The following ZFYVE28 variants were observed in gnomAD, a reference collection of about 807,000 sequenced individuals.
ZFYVE28 encodes the protein lateral signaling target protein 2 homolog.
In ZFYVE28, 40 loss-of-function variants were observed where a neutral mutation model predicts 82.1. The ratio of observed to expected loss-of-function variants is 0.49; its 90% CI spans 0.38 to 0.63. The LOEUF is 0.63. Ranked by LOEUF, ZFYVE28 falls within the 30% of genes least tolerant of loss-of-function variation. The pLI, the probability that ZFYVE28 is intolerant of heterozygous loss-of-function variation, is 0.00. For missense variants in ZFYVE28, 1,321 were observed against 1,242.1 expected, an observed-to-expected ratio of 1.06 and a Z score of -0.96; for synonymous variants, 612 against 546.1, an observed-to-expected ratio of 1.12 and a Z score of -1.68.
rs1733293559 is a variant in ZFYVE28 at position 2,418,003 on chromosome 4, G to T, written c.39+282C>A. On this transcript the variant is annotated intron_variant, in intron 1 of 12. Coordinates refer to ENST00000290974, the MANE Select transcript of ZFYVE28 (RefSeq NM_020972.3). The surrounding 1 kb of genome is among the most constrained non-coding windows in gnomAD (Gnocchi z 4.6). ...AGGGAGAGGGGCCCGTTGTGGCCCT[G>T]GATAGAGGGGGAGGGAAAGTGCGCC... Among the ~76,000 whole-genome samples the T allele has an allele frequency of 6.6e-6, 1 of 151,884 alleles. No homozygotes were observed. Among genetic ancestry groups the T allele is most frequent in the Admixed American group, 6.5e-5 (1 of 15,278 alleles).
At chr4:2,334,968 G>C (rs1721437074) in intron 6 of ZFYVE28, among the ~76,000 whole-genome samples, 1 of 149,696 alleles carries the variant, frequency 6.7e-6, no homozygotes, top group Non-Finnish European at 1.5e-5. Context: ...TCTGGAGTCA[G>C]GGTGTGGATG....
chr4:2,330,988 C>T, intron 6 of ZFYVE28: 2 of 1,534,630 alleles, frequency 1.3e-6, no homozygotes, highest in Non-Finnish European at 1.7e-6. Context: ...CGGCAACCAT[C>T]CTGCAGGCCA....
chr4:2,272,712 C>A (rs1053390026), intron 10 of ZFYVE28, among the ~76,000 whole-genome samples: 1 of 152,076 alleles, frequency 6.6e-6, no homozygotes, highest in Non-Finnish European at 1.5e-5. Context: ...TCGGGGTGGG[C>A]AGCCTCGGGC....
rs531594636 is a variant in ZFYVE28, at chr4:2,296,902, T to G, written c.2051+7387A>C. Among the ~76,000 whole-genome samples the G allele has an allele frequency of 1.7e-3, 263 of 152,276 alleles. 1 individual carries two copies. Among genetic ancestry groups the G allele is most frequent in the African/African-American group, 6.0e-3 (251 of 41,572 alleles). ...CTACCTGGAGGCTGCCTGTGTCCTC[T>G]GAGCCCCCAGAAGAGCTCCACACTA... On this transcript the variant is annotated intron_variant, in intron 8 of 12. Coordinates refer to ENST00000290974, the MANE Select transcript of ZFYVE28 (RefSeq NM_020972.3).
chr4:2,398,263 G>C (rs2108931573), intron 1 of ZFYVE28, among the ~76,000 whole-genome samples: 1 of 152,328 alleles, frequency 6.6e-6, no homozygotes, highest in South Asian at 2.1e-4. Context: ...GGCCATTGGT[G>C]ACCCGATGGG....
At chr4:2,288,339 T>G (rs1450993372) in intron 8 of ZFYVE28, among the ~76,000 whole-genome samples, 2 of 152,128 alleles carry the variant, frequency 1.3e-5, no homozygotes, top group African/African-American at 4.8e-5. Flanking sequence ...GAACCTCATC[T>G]CTAATGAGGG....
chr4:2,282,247 G>C (rs1436269727), intron 8 of ZFYVE28, among the ~76,000 whole-genome samples: 1 of 152,204 alleles, frequency 6.6e-6, no homozygotes, highest in Non-Finnish European at 1.5e-5. Context: ...AAAACTCCCT[G>C]CAACAGCCCC....
rs1025772777 is a variant in ZFYVE28 at position 2,409,506 on chromosome 4, G to A, written c.39+8779C>T. 6.6e-6 allele frequency among the ~76,000 whole-genome samples: 1 copy of A among 151,944 alleles called. No individual in the cohort carries two copies. Among genetic ancestry groups the A allele is most frequent in the African/African-American group, 2.4e-5 (1 of 41,330 alleles). On this transcript the variant is annotated intron_variant, in intron 1 of 12. Coordinates refer to ENST00000290974, the MANE Select transcript of ZFYVE28 (RefSeq NM_020972.3). The surrounding 1 kb of genome is among the most constrained non-coding windows in gnomAD (Gnocchi z 4.4). ...GCTCCAAGTGCACCCAGCCTTTCAG[G>A]CTCCGCGACCCACACCCCCTTGCCA...
At chr4:2,356,461 C>T (rs140486770) in intron 1 of ZFYVE28, among the ~76,000 whole-genome samples, 1,943 of 140,362 alleles carry the variant, frequency 0.014, 45 homozygotes, top group African/African-American at 0.047. Flanking sequence ...CCTGCCCCCC[C>T]GGCCGTTGGT....
At chr4:2,273,987 C>A in intron 9 of ZFYVE28, 75 bp downstream of exon 9, 1 of 1,537,342 alleles carries the variant, frequency 6.5e-7, no homozygotes, top group Non-Finnish European at 8.9e-7. Flanking sequence ...GTTGTACACG[C>A]CCCGCCTGAC....
intron 1 of ZFYVE28, among the ~76,000 whole-genome samples, chr4:2,379,974 G>C (rs895977457): frequency 6.6e-6 from 1 of 152,072 alleles, no homozygotes; most frequent in Non-Finnish European, 1.5e-5. Flanking sequence ...TTTTAGTAGA[G>C]ATGGGGTTTT....
At chr4:2,276,977 A>T (rs1387978950) in intron 8 of ZFYVE28, among the ~76,000 whole-genome samples, 1 of 152,158 alleles carries the variant, frequency 6.6e-6, no homozygotes, top group Non-Finnish European at 1.5e-5. Flanking sequence ...CATATATTTT[A>T]CAAAAATTAA....
rs1432144129 is a variant in ZFYVE28 at position 2,362,114 on chromosome 4, C to G, written c.40-8041G>C. 6.6e-6 allele frequency among the ~76,000 whole-genome samples: 1 copy of G among 152,162 alleles called. No homozygotes were observed. Among genetic ancestry groups the G allele is most frequent in the Non-Finnish European group, 1.5e-5 (1 of 68,020 alleles). ...GGCAGCCAGCTCCCTACCCCTACAG[C>G]CCCCACACTCAGCCGTGGAGACCCA... On this transcript the variant is annotated intron_variant, in intron 1 of 12. Coordinates refer to ENST00000290974, the MANE Select transcript of ZFYVE28 (RefSeq NM_020972.3). The surrounding 1 kb of genome is among the most constrained non-coding windows in gnomAD (Gnocchi z 5.1).
At chr4:2,316,745 T>G (rs1397602648) in intron 7 of ZFYVE28, among the ~76,000 whole-genome samples, 1 of 150,832 alleles carries the variant, frequency 6.6e-6, no homozygotes, top group African/African-American at 2.4e-5. Context: ...CAGGCTGGAG[T>G]GGAGTGGTGC....
intron 7 of ZFYVE28, chr4:2,307,013 C>G (rs1716682094): frequency 6.6e-6 from 1 of 152,318 alleles, no homozygotes; most frequent in Admixed American, 6.5e-5. Context: ...AGCCGGGATC[C>G]AGGCACACCT....
In ZFYVE28 at chr4:2,372,320, G is replaced by A. The variant is rs538610215; in HGVS notation, c.40-18247C>T. ...ACCACCCTCACAGGAACACAGAGGC[G>A]TGTCTTCACAGCCCTACGCTGCCTC... On this transcript the variant is annotated intron_variant, in intron 1 of 12. Transcript: ENST00000290974. This position sits in a 1 kb window ranked among gnomAD's most constrained non-coding sequence, Gnocchi z 5.2. Among the ~76,000 whole-genome samples the A allele has an allele frequency of 7.9e-5, 12 of 152,168 alleles. No homozygotes were observed. The highest frequency in any genetic ancestry group is 1.4e-4 in the African/African-American group (6 of 41,530).
chr4:2,337,064 AAGGTGACAAG>A (rs1721934230), intron 5 of ZFYVE28, among the ~76,000 whole-genome samples: 1 of 148,224 alleles, frequency 6.7e-6, no homozygotes, highest in African/African-American at 2.5e-5. Context: ...GGGGGTGAGG[AAGGTGACAAG>A]GTTTGGACGT....
chr4:2,348,930 G>C (rs1723960708), intron 2 of ZFYVE28, among the ~76,000 whole-genome samples: 2 of 152,116 alleles, frequency 1.3e-5, no homozygotes, highest in Admixed American at 1.3e-4. Flanking sequence ...TGTAAGACAA[G>C]AAGACACCAA....
intron 1 of ZFYVE28, among the ~76,000 whole-genome samples, chr4:2,391,377 T>C (rs79372528): frequency 0.017 from 2,596 of 151,882 alleles, 35 homozygotes; most frequent in Non-Finnish European, 0.028. Flanking sequence ...TTCCCATACG[T>C]TTACCTCTAC....
Sources: allele counts gnomAD v4.1 joint callset (sites outside exome capture counted in the v4.1 genomes callset), GRCh38; gene constraint gnomAD v4.1.1; non-coding constraint Gnocchi (gnomAD v3.1); transcripts MANE v1.5; gene names NCBI Gene and HGNC (gene_info 2026-07-23, HGNC 2026-07-21).